The following TMEM268 variants were observed in gnomAD, a reference collection of about 807,000 sequenced individuals.
TMEM268 encodes the protein transmembrane protein 268.
A neutral mutation model predicts 39.1 loss-of-function variants in TMEM268; 24 were observed. The observed-to-expected ratio is 0.61, with a 90% CI of 0.44 to 0.86. TMEM268 has a LOEUF of 0.86. Among genes scored for constraint, TMEM268 ranks in the 40% least tolerant of loss-of-function variants. The probability of loss-of-function intolerance (pLI) is 0.00; values close to 1 mark genes in which losing one functional copy is unlikely to be tolerated. For missense variants in TMEM268, 409 were observed against 428.6 expected (o/e 0.95, Z 0.40); for synonymous variants, 176 against 173.5 (o/e 1.01, Z -0.12).
chr9:114,625,292 A>G (rs776152980), intron 3 of TMEM268, among the ~76,000 whole-genome samples: 2 of 152,162 alleles, frequency 1.3e-5, no homozygotes, highest in African/African-American at 2.4e-5. Flanking sequence ...TGAAGTACCT[A>G]TATGTATGGG....
At chr9:114,608,615 C>T (rs140586546), upstream of TMEM268, among the ~76,000 whole-genome samples, 10 of 152,302 alleles carry the variant, frequency 6.6e-5, no homozygotes, top group East Asian at 7.7e-4. Context: ...GTTGCAGGAT[C>T]CCTTTTAATA....
chr9:114,643,019 G>A (rs2133729042), intron 8 of TMEM268, 115 bp from the exon 9 acceptor site: 3 of 1,052,682 alleles, frequency 2.8e-6, no homozygotes, highest in South Asian at 1.5e-5. Flanking sequence ...TTCCTAGAGA[G>A]CATCACTGCT....
chr9:114,612,994 G>A (rs190659975), intron 1 of TMEM268, among the ~76,000 whole-genome samples: 1 of 152,322 alleles, frequency 6.6e-6, no homozygotes, highest in African/African-American at 2.4e-5. Context: ...TACTTGCCCA[G>A]TGCTATTTTG....
At chr9:114,637,533 A>G (rs140271084) in intron 7 of TMEM268, among the ~76,000 whole-genome samples, 4,400 of 152,038 alleles carry the variant, frequency 0.029, 117 homozygotes, top group East Asian at 0.13. Context: ...ACCTCAGGTG[A>G]TCCGTCTGCC....
intron 2 of TMEM268, among the ~76,000 whole-genome samples, chr9:114,619,370 C>CA (rs1460820614): frequency 2.6e-5 from 4 of 152,010 alleles, no homozygotes; most frequent in Non-Finnish European, 4.4e-5. Context: ...GGTGTAAAAA[C>CA]AAGTATTTTT....
chr9:114,631,970 A>G (rs556276084), intron 5 of TMEM268, among the ~76,000 whole-genome samples: 77 of 151,982 alleles, frequency 5.1e-4, no homozygotes, highest in African/African-American at 1.8e-3. Flanking sequence ...GTGTGGTGGC[A>G]TGCATGTGTG....
intron 3 of TMEM268, among the ~76,000 whole-genome samples, chr9:114,625,398 A>G (rs1315240758): frequency 6.6e-6 from 1 of 151,432 alleles, no homozygotes; most frequent in Non-Finnish European, 1.5e-5. Context: ...TAGGGTAGAT[A>G]TACTGCTAAT....
rs1337334284 is a variant in TMEM268, at chr9:114,638,696, T to G, written c.819T>G (p.Leu273=). 2 of 1,597,874 alleles carry G rather than the reference T, an allele frequency of 1.3e-6. No individual in the cohort carries two copies. Among genetic ancestry groups the G allele is most frequent in the Non-Finnish European group, 8.5e-7 (1 of 1,172,640 alleles). ...AGAGGCCACTCATGCAGACTGAGCT[T>G]CATCAGCTTGTTCCTGAGGCTGAGC... is the stretch of plus-strand genomic sequence containing the variant. ...PNERPLMQTE[L]HQLVPEAEPE... The change falls in exon 8 of 9, where the codon CTT becomes CTG. Residue 273 remains leucine, a synonymous_variant. Coordinates refer to ENST00000288502, the MANE Select transcript of TMEM268 (RefSeq NM_153045.4).
At chr9:114,619,018 TG>T (rs1213307282) in intron 2 of TMEM268, among the ~76,000 whole-genome samples, 1 of 152,134 alleles carries the variant, frequency 6.6e-6, no homozygotes, top group East Asian at 1.9e-4. Context: ...TCCAGAATTG[TG>T]GGGGCCCACG....
At chr9:114,619,353 T>A (rs1845857687) in intron 2 of TMEM268, among the ~76,000 whole-genome samples, 1 of 152,112 alleles carries the variant, frequency 6.6e-6, no homozygotes, top group Non-Finnish European at 1.5e-5. Context: ...TAGCTTTACT[T>A]AGCCTAGGTG....
chr9:114,605,367 C>T, the TMEM268 span, among the ~76,000 whole-genome samples: 3 of 151,596 alleles, frequency 2.0e-5, no homozygotes, highest in Non-Finnish European at 4.4e-5. Flanking sequence ...CCTTCTTGTG[C>T]AAATACATGG....
At chr9:114,636,882 T>G in intron 6 of TMEM268, 108 bp from the exon 7 acceptor site, 2 of 695,010 alleles carry the variant, frequency 2.9e-6, no homozygotes, top group Non-Finnish European at 5.2e-6. Flanking sequence ...TGGTGCCAAA[T>G]GGCACCTTCC....
chr9:114,626,093 G>A (rs1846149394), intron 3 of TMEM268, among the ~76,000 whole-genome samples: 1 of 152,102 alleles, frequency 6.6e-6, no homozygotes, highest in Admixed American at 6.5e-5. Context: ...CCAAAGTGCG[G>A]GGATTACAGG....
chr9:114,613,223 A>T (rs1047001203), intron 1 of TMEM268, among the ~76,000 whole-genome samples: 1 of 152,220 alleles, frequency 6.6e-6, no homozygotes, highest in Non-Finnish European at 1.5e-5. Flanking sequence ...TGAGAGGCTG[A>T]TGGGGCCAAG....
At chr9:114,609,569 C>T (rs1845413863), upstream of TMEM268, among the ~76,000 whole-genome samples, 1 of 151,324 alleles carries the variant, frequency 6.6e-6, no homozygotes, top group African/African-American at 2.4e-5. Flanking sequence ...CTTTTAGACC[C>T]ATCTACCAGA....
chr9:114,619,289 G>A (rs576286175), intron 2 of TMEM268, among the ~76,000 whole-genome samples: 67 of 111,026 alleles, frequency 6.0e-4, no homozygotes, highest in African/African-American at 2.1e-3. Flanking sequence ...GTGCGTGCAC[G>A]CGTGCACACA....
Position 114,617,301 on chromosome 9 carries a change from G to C in TMEM268, c.106G>C (p.Glu36Gln). 1.9e-6 allele frequency: 3 copies of C among 1,609,486 alleles called. No homozygotes were observed. Among genetic ancestry groups the C allele is most frequent in the Non-Finnish European group, 2.6e-6 (3 of 1,176,274 alleles). Residue 36 changes from glutamate (E) to glutamine (Q), a missense_variant and splice_region_variant, in exon 2 of 9, where the codon GAG becomes CAG. Glu to Gln is a conservative substitution (Grantham distance 29). Transcript: ENST00000288502. ...PGGSPPGWGQ[E>Q]LHNGQVLTVL... is the part of the protein sequence containing the mutation. ...AGGGAGCCCTCCTGGCTGGGGGCAA[G>C]GTAAGATCATGACCTTTCATTTTCC...
intron 5 of TMEM268, among the ~76,000 whole-genome samples, chr9:114,632,676 A>G (rs1453074707): frequency 6.6e-6 from 1 of 152,170 alleles, no homozygotes; most frequent in Non-Finnish European, 1.5e-5. Context: ...TGAGTGCTTC[A>G]CTTACACAAC....
chr9:114,619,084 C>T (rs1845844954), intron 2 of TMEM268, among the ~76,000 whole-genome samples: 1 of 152,156 alleles, frequency 6.6e-6, no homozygotes, highest in African/African-American at 2.4e-5. Context: ...AAAACAAAGG[C>T]TTCTTTTGTT....
Sources: gnomAD v4.1 joint callset for allele counts (sites outside exome capture counted in the v4.1 genomes callset) on GRCh38, gnomAD v4.1.1 for gene constraint, MANE v1.5 for transcripts, NCBI Gene and HGNC (gene_info 2026-07-23, HGNC 2026-07-21) for gene names.